The following EEF2 variants were observed in gnomAD, a reference collection of about 807,000 sequenced individuals.
EEF2 encodes eukaryotic translation elongation factor 2.
EEF2 carries 21 observed loss-of-function variants against 85.3 expected under a neutral mutation model. The observed-to-expected ratio is 0.25, with a 90% CI of 0.17 to 0.35. The LOEUF is 0.35. Ranked by LOEUF, EEF2 falls within the 10% of genes least tolerant of loss-of-function variation. The probability of loss-of-function intolerance (pLI) is 1.00; values close to 1 mark genes in which losing one functional copy is unlikely to be tolerated. For missense variants in EEF2, 825 were observed against 1,225.3 expected, an observed-to-expected ratio of 0.67 and a Z score of 4.88; for synonymous variants, 723 against 508.8, an observed-to-expected ratio of 1.42 and a Z score of -5.67.
At chr19:3,981,258 GC>G in intron 7 of EEF2, 80 bp downstream of exon 7, 1 of 1,389,024 alleles carries the variant, frequency 7.2e-7, no homozygotes, top group Non-Finnish European at 1.0e-6. Context: ...GAGGACTTCA[GC>G]CCCCAGGCCT....
At position 3,980,594 on chromosome 19, in the gene EEF2, GGAGACCAGCCCCGAGAA is replaced by G; in HGVS notation, c.1249_1265del (p.Phe417HisfsTer94). On this transcript the variant is annotated frameshift_variant, in exon 9 of 15. Transcript: ENST00000309311. LOFTEE classifies it high-confidence loss of function. ...CCATGATCCTGACCTTCAGGCCAGT[GGAGACCAGCCCCGAGAA>G]GACTCGTCCAAAGGCGTAGAACCGA... is the stretch of plus-strand genomic sequence containing the variant. 6.2e-7 allele frequency: 1 copy of G among 1,614,220 alleles called. No homozygotes were observed. The highest frequency in any genetic ancestry group is 8.5e-7 in the Non-Finnish European group (1 of 1,180,026).
intron 6 of EEF2, 27 bp downstream of exon 6, chr19:3,981,920 G>T (rs760804137): frequency 1.9e-6 from 3 of 1,604,128 alleles, no homozygotes; most frequent in South Asian, 1.1e-5. Context: ...TCGCATCGGC[G>T]GGGTGCCTGG....
intron 14 of EEF2, 28 bp from the exon 15 acceptor site, chr19:3,976,775 G>C (rs747960924): frequency 6.6e-7 from 1 of 1,510,600 alleles, no homozygotes; most frequent in South Asian, 1.3e-5. Flanking sequence ...AGGCTCACTG[G>C]GCCATCGAGA....
rs750678552 is a variant in EEF2 at position 3,985,430 on chromosome 19, C to A, written c.-50G>T. On this transcript the variant is annotated 5_prime_UTR_variant, in exon 1 of 15. Coordinates refer to ENST00000309311, the MANE Select transcript of EEF2 (RefSeq NM_001961.4). Reference sequence around the variant, plus strand: ...CCAGGTAGAACCGAAAGAAGCGAGTCGCGCCGAGGATGGCGGCGACGACGG... The same window carrying A: ...CCAGGTAGAACCGAAAGAAGCGAGTAGCGCCGAGGATGGCGGCGACGACGG... The A allele has an allele frequency of 3.4e-6, 5 of 1,464,430 alleles. No homozygotes were observed. The African/African-American group carries it at 4.3e-5, about 13-fold the overall frequency. The allele number at this position is 1,464,430 out of a possible 1,614,324, so 90.7% of individuals were successfully genotyped here.
rs149714660 is a variant in EEF2 at position 3,979,241 on chromosome 19, G to A, written c.1713+88C>T. 245 of 1,019,272 alleles carry A rather than the reference G, an allele frequency of 2.4e-4. No homozygotes were observed. In the African/African-American group the frequency reaches 2.6e-3, roughly 11 times the overall value. The allele number at this position is 1,019,272 out of a possible 1,614,324, so 63.1% of individuals were successfully genotyped here. A position where few individuals can be genotyped will look rare whatever the true frequency, so the allele number is the denominator to read the frequency against. ...ACCAAGACCGAGATCAAGTCTAGGCGTCTGCAGAGCCTAGCTCAGCTCAGC... is the reference window on the plus strand; with the variant it reads ...ACCAAGACCGAGATCAAGTCTAGGCATCTGCAGAGCCTAGCTCAGCTCAGC... On this transcript the variant is annotated intron_variant, in intron 11 of 14. Transcript: ENST00000309311.
intron 2 of EEF2, 134 bp downstream of exon 2, chr19:3,984,002 C>T (rs2039788788): frequency 1.1e-6 from 1 of 926,914 alleles, no homozygotes; most frequent in Non-Finnish European, 1.6e-6. Context: ...CTGAACCTCA[C>T]TCATTCTCCC....
intron 4 of EEF2, 147 bp downstream of exon 4, chr19:3,982,659 CG>C: frequency 9.0e-7 from 1 of 1,116,802 alleles, no homozygotes; most frequent in Non-Finnish European, 1.3e-6. Context: ...TGGGTCAAGT[CG>C]GATGAAAACA....
chr19:3,982,696 A>G, intron 4 of EEF2, 111 bp downstream of exon 4: 1 of 1,284,198 alleles, frequency 7.8e-7, no homozygotes, highest in Non-Finnish European at 1.1e-6. Context: ...CTGTCACCCA[A>G]CATTCCTGGC....
Position 3,980,552 on chromosome 19 carries a change from A to G in EEF2, c.1308T>C (p.Pro436=). ...KVRIMGPNYT[P]GKKEDLYLKP... ...TCAGGTAGAGGTCCTCCTTCTTCCC[A>G]GGGGTATAGTTGGGCCCCATGATCC... Residue 436 remains proline (P), a synonymous_variant, in exon 9 of 15, where the codon CCT becomes CCC. Transcript: ENST00000309311. 6.2e-7 allele frequency: 1 copy of G among 1,614,166 alleles called. No individual in the cohort carries two copies. Among genetic ancestry groups the G allele is most frequent in the Non-Finnish European group, 8.5e-7 (1 of 1,179,986 alleles).
chr19:3,979,588 G>T (rs946794808), intron 10 of EEF2, 152 bp from the exon 11 acceptor site: 2 of 922,836 alleles, frequency 2.2e-6, no homozygotes, highest in Non-Finnish European at 3.3e-6. Flanking sequence ...CTGAAGAAAT[G>T]TTAAGTCCCA....
At position 3,980,723 on chromosome 19, in the gene EEF2, A is replaced by G. The variant is rs1392053363; in HGVS notation, c.1151-14T>C. 1.2e-6 allele frequency: 2 copies of G among 1,610,882 alleles called. No homozygotes were observed. The highest frequency in any genetic ancestry group is 3.3e-5 in the Admixed American group (2 of 59,850). On this transcript the variant is annotated splice_polypyrimidine_tract_variant and intron_variant, in intron 8 of 14. Coordinates refer to ENST00000309311, the MANE Select transcript of EEF2 (RefSeq NM_001961.4). ...AGCTTTTAATGCCTGAGGGACAGAG[A>G]AAACCCGCAAGCTTTATTCCAGTGC...
At position 3,976,350 on chromosome 19, in the gene EEF2, G is replaced by A. The variant is rs934573850; in HGVS notation, c.*204C>T. On this transcript the variant is annotated 3_prime_UTR_variant, in exon 15 of 15. Coordinates refer to ENST00000309311, the MANE Select transcript of EEF2 (RefSeq NM_001961.4). ...AAGTCCCTACTAAGAGGGCGTGTCTGCTGCCTCCGGACTCTGGAAATAAAT... is the reference window on the plus strand; with the variant it reads ...AAGTCCCTACTAAGAGGGCGTGTCTACTGCCTCCGGACTCTGGAAATAAAT... 6 of 457,394 alleles carry A rather than the reference G, an allele frequency of 1.3e-5. No individual in the cohort carries two copies. The highest frequency in any genetic ancestry group is 2.3e-5 in the Non-Finnish European group (6 of 260,534). The allele number at this position is 457,394 out of a possible 1,614,324, so 28.3% of individuals were successfully genotyped here. A position where few individuals can be genotyped will look rare whatever the true frequency, so the allele number is the denominator to read the frequency against.
intron 6 of EEF2, 77 bp downstream of exon 6, chr19:3,981,870 C>G: frequency 7.2e-7 from 1 of 1,381,664 alleles, no homozygotes; most frequent in South Asian, 1.2e-5. Context: ...AGTCAGCCGA[C>G]AGGCTACCGG....
chr19:3,984,279 G>A lies in EEF2; in HGVS notation c.75C>T (p.Ile25=), dbSNP rs753598099. 42 of 1,614,088 alleles carry A rather than the reference G, an allele frequency of 2.6e-5. No homozygotes were observed. The highest frequency in any genetic ancestry group is 3.2e-5 in the Non-Finnish European group (38 of 1,180,040). ...KKANIRNMSV[I]AHVDHGKSTL... Reference sequence around the variant, plus strand: ...TGGACTTGCCATGGTCCACGTGGGCGATGACAGACATGTTGCGGATGTTGG... The same window carrying A: ...TGGACTTGCCATGGTCCACGTGGGCAATGACAGACATGTTGCGGATGTTGG... The change falls in exon 2 of 15, where the codon ATC becomes ATT. Residue 25 remains isoleucine, a synonymous_variant. Transcript: ENST00000309311.
chr19:3,977,872 G>C lies in EEF2; in HGVS notation c.2014C>G (p.Leu672Val). Reference sequence around the variant, plus strand: ...ACCACACTGTCCTTGATCTCGTTGAGGTACTGCACACCCTTGGTGATGTCG... The same window carrying C: ...ACCACACTGTCCTTGATCTCGTTGACGTACTGCACACCCTTGGTGATGTCG... ...LTDITKGVQYLNEIKDSVVAG... is the reference protein window; with the variant it reads ...LTDITKGVQYVNEIKDSVVAG... Residue 672 changes from leucine (L) to valine (V), a missense_variant, in exon 12 of 15, where the codon CTC (leucine) becomes GTC (valine). Coordinates refer to ENST00000309311, the MANE Select transcript of EEF2 (RefSeq NM_001961.4). This position sits in a 1 kb window ranked among gnomAD's most constrained non-coding sequence, Gnocchi z 5.4. The C allele has an allele frequency of 6.2e-7, 1 of 1,611,920 alleles. No homozygotes were observed. The highest frequency in any genetic ancestry group is 8.5e-7 in the Non-Finnish European group (1 of 1,178,778).
At position 3,982,069 on chromosome 19, in the gene EEF2, A is replaced by G. The variant is rs760549504; in HGVS notation, c.792-17T>C. On this transcript the variant is annotated splice_polypyrimidine_tract_variant and intron_variant, in intron 5 of 14. Coordinates refer to ENST00000309311, the MANE Select transcript of EEF2 (RefSeq NM_001961.4). Reference sequence around the variant, plus strand: ...TCAAAGTACCTGGCAAGGAGAGGCCAAGCCAAATCAAGTTAGGGTCTCCAG... The same window carrying G: ...TCAAAGTACCTGGCAAGGAGAGGCCGAGCCAAATCAAGTTAGGGTCTCCAG... 9.3e-6 allele frequency: 15 copies of G among 1,613,476 alleles called. No homozygotes were observed. In the East Asian group the frequency reaches 3.3e-4, roughly 36 times the overall value.
In EEF2 at chr19:3,980,914, G is replaced by C. The variant is rs1464406155; in HGVS notation, c.1077C>G (p.Pro359=). The C allele has an allele frequency of 1.3e-6, 2 of 1,568,532 alleles. No homozygotes were observed. Among genetic ancestry groups the C allele is most frequent in the Non-Finnish European group, 1.7e-6 (2 of 1,157,832 alleles). The change falls in exon 8 of 15, where the codon CCC becomes CCG. Residue 359 remains proline (P), a synonymous_variant. Coordinates refer to ENST00000309311, the MANE Select transcript of EEF2 (RefSeq NM_001961.4). Reference sequence around the variant, plus strand: ...GGTACTTCTGGGCCGTCACAGGGGAGGGCAGGTGGATGGTGATCATCTGCA... The same window carrying C: ...GGTACTTCTGGGCCGTCACAGGGGACGGCAGGTGGATGGTGATCATCTGCA... ...ALLQMITIHL[P]SPVTAQKYRC... is the part of the protein sequence containing the mutation.
At chr19:3,980,384 C>G in intron 9 of EEF2, 130 bp downstream of exon 9, 5 of 1,220,654 alleles carry the variant, frequency 4.1e-6, no homozygotes, top group Non-Finnish European at 5.6e-6. Flanking sequence ...AAAGTTGTGG[C>G]TGGCACAAGT....
chr19:3,979,108 G>A (rs1380651745), intron 11 of EEF2, among the ~76,000 whole-genome samples: 1 of 152,056 alleles, frequency 6.6e-6, no homozygotes, highest in Non-Finnish European at 1.5e-5. Flanking sequence ...CTCCAGCCTG[G>A]ATGACACAGC....
Sources: allele counts gnomAD v4.1 joint callset (sites outside exome capture counted in the v4.1 genomes callset), GRCh38; gene constraint gnomAD v4.1.1; non-coding constraint Gnocchi (gnomAD v3.1); transcripts MANE v1.5; gene names NCBI Gene and HGNC (gene_info 2026-07-23, HGNC 2026-07-21).